Variants in BRMS1L observed in about 807,000 individuals in gnomAD.
The protein encoded by BRMS1L is BRMS1 like transcriptional repressor.
BRMS1L carries 23 observed loss-of-function variants against 50.3 expected under a neutral mutation model. The ratio of observed to expected loss-of-function variants is 0.46; its 90% CI spans 0.33 to 0.65. The LOEUF is 0.65. BRMS1L is among the 30% of genes least tolerant of loss of function. BRMS1L has a pLI of 0.02. For synonymous variants in BRMS1L, 114 were observed against 126.9 expected (o/e 0.90, Z 0.69); for missense variants, 286 against 386.1 (o/e 0.74, Z 2.17).
intron 1 of BRMS1L, among the ~76,000 whole-genome samples, chr14:35,828,003 G>A (rs746103459): frequency 5.9e-5 from 9 of 152,094 alleles, no homozygotes; most frequent in Non-Finnish European, 1.2e-4. Context: ...GTATAGATGT[G>A]AGTGATTTCA....
intron 2 of BRMS1L, among the ~76,000 whole-genome samples, chr14:35,832,349 CA>C (rs869067604): frequency 0.19 from 11,978 of 61,688 alleles, 1,398 homozygotes; most frequent in African/African-American, 0.37. Context: ...CTAAAAAATA[CA>C]AAAAAAAAAA....
chr14:35,854,013 C>T lies in BRMS1L; in HGVS notation c.442-8577C>T, dbSNP rs537988035. ...TAAAGGACCTTAAACCCTCTAACTC[C>T]AGTTATTCCCTCCCAAATTATAATA... On this transcript the variant is annotated intron_variant, in intron 4 of 9. Coordinates refer to ENST00000216807, the MANE Select transcript of BRMS1L (RefSeq NM_032352.4). Among the ~76,000 whole-genome samples, 32 of 152,262 alleles carry T rather than the reference C, an allele frequency of 2.1e-4. 1 individual carries two copies. The South Asian group carries it at 6.0e-3, about 29-fold the overall frequency.
chr14:35,853,386 T>G (rs1303835510), intron 4 of BRMS1L, among the ~76,000 whole-genome samples: 2 of 151,892 alleles, frequency 1.3e-5, no homozygotes, highest in Non-Finnish European at 2.9e-5. Flanking sequence ...AGTGATTACT[T>G]TGATGATGAT....
chr14:35,847,390 C>T (rs2078149577), intron 4 of BRMS1L, among the ~76,000 whole-genome samples: 1 of 152,144 alleles, frequency 6.6e-6, no homozygotes, highest in Non-Finnish European at 1.5e-5. Flanking sequence ...AAGCCACAAA[C>T]TCGAGCTCAA....
At chr14:35,844,546 A>G (rs1430644910) in intron 4 of BRMS1L, among the ~76,000 whole-genome samples, 2 of 152,158 alleles carry the variant, frequency 1.3e-5, no homozygotes, top group African/African-American at 4.8e-5. Flanking sequence ...AGTGAGATGA[A>G]CCGGGTACCC....
At chr14:35,834,747 C>A in intron 3 of BRMS1L, 97 bp from the exon 4 acceptor site, 2 of 768,428 alleles carry the variant, frequency 2.6e-6, no homozygotes, top group South Asian at 5.3e-5. Flanking sequence ...TTTCTTGATC[C>A]ATCTTATTAA....
chr14:35,839,163 C>T (rs577406431), intron 4 of BRMS1L, among the ~76,000 whole-genome samples: 2 of 152,178 alleles, frequency 1.3e-5, no homozygotes, highest in South Asian at 2.1e-4. Context: ...TCAGGTTTGT[C>T]GAAGATCAGA....
Position 35,870,400 on chromosome 14 carries a change from A to G in BRMS1L, c.895A>G (p.Lys299Glu). ...AATTAACCATGATGAAGTTTGGTTT[A>G]AGAGGCCTGATGGAAGCAAATCTAA... ...TTINHDEVWF[K>E]RPDGSKSKLY... Residue 299 changes from lysine to glutamate, a missense_variant, in exon 10 of 10, where the codon AAG (lysine) becomes GAG (glutamate). Physicochemically the swap from Lys to Glu is moderately conservative, Grantham distance 56. Coordinates refer to ENST00000216807, the MANE Select transcript of BRMS1L (RefSeq NM_032352.4). 6.2e-7 allele frequency: 1 copy of G among 1,609,528 alleles called. No homozygotes were observed. The highest frequency in any genetic ancestry group is 8.5e-7 in the Non-Finnish European group (1 of 1,177,910).
At chr14:35,832,505 CAA>C (rs3058640) in intron 2 of BRMS1L, among the ~76,000 whole-genome samples, 3 of 116,190 alleles carry the variant, frequency 2.6e-5, no homozygotes. Flanking sequence ...GACTCCGTCT[CAA>C]AAAAAAAAAA....
Position 35,870,627 on chromosome 14 carries a change from G to T in BRMS1L, c.*150G>T. On this transcript the variant is annotated 3_prime_UTR_variant, in exon 10 of 10. Coordinates refer to ENST00000216807, the MANE Select transcript of BRMS1L (RefSeq NM_032352.4). ...GGTAGTACTCTAAATAGATCTCATT[G>T]ATATGTTATTAAAAGAAACAGTAAT... 1 of 450,070 alleles carries T rather than the reference G, an allele frequency of 2.2e-6. No individual in the cohort carries two copies. The highest frequency in any genetic ancestry group is 4.1e-6 in the Non-Finnish European group (1 of 246,088). 27.9% of individuals were successfully genotyped at this position (450,070 alleles called of 1,614,324 possible).
Position 35,850,704 on chromosome 14 carries a change from A to G in BRMS1L, c.442-11886A>G, listed in dbSNP as rs1045925456. Among the ~76,000 whole-genome samples the G allele has an allele frequency of 5.9e-5, 9 of 152,286 alleles. 1 individual carries two copies. The highest frequency in any genetic ancestry group is 1.7e-4 in the African/African-American group (7 of 41,574). ...TTCAGTTTTATGTTTCAGCTTTTACATTCAGCTCTTACGTTTAAGTCTTTA... is the reference window on the plus strand; with the variant it reads ...TTCAGTTTTATGTTTCAGCTTTTACGTTCAGCTCTTACGTTTAAGTCTTTA... On this transcript the variant is annotated intron_variant, in intron 4 of 9. Coordinates refer to ENST00000216807, the MANE Select transcript of BRMS1L (RefSeq NM_032352.4).
chr14:35,850,021 C>T (rs1394431283), intron 4 of BRMS1L, among the ~76,000 whole-genome samples: 2 of 144,246 alleles, frequency 1.4e-5, no homozygotes, highest in Non-Finnish European at 1.5e-5. Context: ...CGGGGTTTCA[C>T]CGTGTTGGCC....
chr14:35,844,883 T>C (rs1708797555), intron 4 of BRMS1L, among the ~76,000 whole-genome samples: 1 of 152,082 alleles, frequency 6.6e-6, no homozygotes, highest in South Asian at 2.1e-4. Context: ...AATTAATTAA[T>C]TTTTTTTAAA....
At chr14:35,837,064 G>A (rs556190445) in intron 4 of BRMS1L, among the ~76,000 whole-genome samples, 42 of 151,532 alleles carry the variant, frequency 2.8e-4, no homozygotes, top group African/African-American at 9.7e-4. Context: ...AGACCAGCCT[G>A]ACCAATATGA....
intron 4 of BRMS1L, among the ~76,000 whole-genome samples, chr14:35,841,342 T>C (rs1424723817): frequency 6.6e-6 from 1 of 152,094 alleles, no homozygotes; most frequent in African/African-American, 2.4e-5. Flanking sequence ...AGATGGAGTC[T>C]TGCTCTGTCC....
At chr14:35,829,859 G>T (rs1406050922) in intron 1 of BRMS1L, 6 of 1,241,692 alleles carry the variant, frequency 4.8e-6, no homozygotes, top group Non-Finnish European at 5.2e-6. Flanking sequence ...TTTGATGAAT[G>T]AATATATGTG....
chr14:35,849,746 A>G (rs915924200), intron 4 of BRMS1L, among the ~76,000 whole-genome samples: 3 of 151,936 alleles, frequency 2.0e-5, no homozygotes, highest in East Asian at 1.9e-4. Context: ...GGGAATGTCT[A>G]TTCAAGTCTT....
chr14:35,831,764 T>C (rs1356882583), intron 2 of BRMS1L, among the ~76,000 whole-genome samples: 1 of 152,066 alleles, frequency 6.6e-6, no homozygotes, highest in African/African-American at 2.4e-5. Context: ...CATAAAATAT[T>C]TAAAAATTAG....
rs577812075 is a variant in BRMS1L, at chr14:35,836,447, C to T, written c.441+1524C>T. On this transcript the variant is annotated intron_variant, in intron 4 of 9. Transcript: ENST00000216807. ...CTCTACTCCCCTGGCCTCAAGCCAT[C>T]CTCCTGCCTCAGCCTCCTGAGTAGC... Among the ~76,000 whole-genome samples, 380 of 152,244 alleles carry T rather than the reference C, an allele frequency of 2.5e-3. 1 individual carries two copies. The highest frequency in any genetic ancestry group is 0.01 in the Middle Eastern group (3 of 294).
Sources: allele counts gnomAD v4.1 joint callset (sites outside exome capture counted in the v4.1 genomes callset), GRCh38; gene constraint gnomAD v4.1.1; transcripts MANE v1.5; gene names NCBI Gene and HGNC (gene_info 2026-07-23, HGNC 2026-07-21).